RBM33: variants seen among roughly 807,000 people sequenced by gnomAD.
The protein encoded by RBM33 is RNA-binding protein 33.
Under a neutral mutation model 132.6 loss-of-function variants are expected in RBM33, and 28 were observed. That is an observed-to-expected ratio of 0.21 (90% CI 0.16 to 0.29). The LOEUF is 0.29. Ranked by LOEUF, RBM33 falls within the 10% of genes least tolerant of loss-of-function variation. The pLI is 1.00. For missense variants in RBM33, 1,291 were observed against 1,518.5 expected (o/e 0.85, Z 2.49); for synonymous variants, 634 against 593.0 (o/e 1.07, Z -1.01).
intron 14 of RBM33, among the ~76,000 whole-genome samples, chr7:155,746,873 A>G (rs10235856): frequency 0.18 from 26,811 of 152,240 alleles, 2,412 homozygotes; most frequent in East Asian, 0.28. Context: ...AAATGTATAC[A>G]GTAAAAAAAG....
chr7:155,713,057 G>T (rs1246909071), intron 8 of RBM33, among the ~76,000 whole-genome samples: 3 of 152,166 alleles, frequency 2.0e-5, no homozygotes, highest in Admixed American at 6.5e-5. Flanking sequence ...GTAGGAAGAT[G>T]GGGCCGATGG....
chr7:155,666,932 A>C (rs1484224897), intron 2 of RBM33, among the ~76,000 whole-genome samples: 1 of 152,190 alleles, frequency 6.6e-6, no homozygotes, highest in African/African-American at 2.4e-5. Flanking sequence ...ATGAACAAAA[A>C]TGTATTTGGA....
intron 1 of RBM33, among the ~76,000 whole-genome samples, chr7:155,658,540 A>C (rs568019954): frequency 6.6e-6 from 1 of 152,052 alleles, no homozygotes; most frequent in Non-Finnish European, 1.5e-5. Flanking sequence ...AGCTGGGATA[A>C]CAGGCGCTCG....
At chr7:155,730,464 T>G (rs1202528191) in intron 9 of RBM33, among the ~76,000 whole-genome samples, 4 of 152,236 alleles carry the variant, frequency 2.6e-5, no homozygotes, top group Non-Finnish European at 5.9e-5. Flanking sequence ...TTTTGTTATT[T>G]GCTAGGTACT....
In RBM33 at chr7:155,715,956, C is replaced by T. The variant is rs529462917; in HGVS notation, c.1202-2429C>T. ...GACTTTCTGAGGATGAAGAGTGTTC[C>T]GTTATAATTTATTTAAAAACAATTT... On this transcript the variant is annotated intron_variant, in intron 8 of 17. Transcript: ENST00000401878. 1.6e-4 allele frequency among the ~76,000 whole-genome samples: 24 copies of T among 152,190 alleles called. 1 individual carries two copies. Among genetic ancestry groups the T allele is most frequent in the African/African-American group, 4.3e-4 (18 of 41,514 alleles).
chr7:155,724,110 A>G (rs1270312881), intron 9 of RBM33, among the ~76,000 whole-genome samples: 1 of 152,078 alleles, frequency 6.6e-6, no homozygotes, highest in Non-Finnish European at 1.5e-5. Flanking sequence ...ACCTGTTTTT[A>G]GTGATGTGTC....
chr7:155,715,092 T>C (rs1800421446), intron 8 of RBM33, among the ~76,000 whole-genome samples: 1 of 152,158 alleles, frequency 6.6e-6, no homozygotes, highest in African/African-American at 2.4e-5. Context: ...GCATCGCTCA[T>C]CCACACATCC....
chr7:155,650,352 C>T lies in RBM33; in HGVS notation c.43+5433C>T, dbSNP rs962747767. 7.9e-5 allele frequency among the ~76,000 whole-genome samples: 12 copies of T among 152,222 alleles called. 1 individual carries two copies. The highest frequency in any genetic ancestry group is 4.6e-4 in the Admixed American group (7 of 15,284). Reference sequence around the variant, plus strand: ...CTGCCTCTGAGCTGTGAAACGCTTTCTCTGCATCTGTTGTGATTATGTGTT... The same window carrying T: ...CTGCCTCTGAGCTGTGAAACGCTTTTTCTGCATCTGTTGTGATTATGTGTT... On this transcript the variant is annotated intron_variant, in intron 1 of 17. Transcript: ENST00000401878.
chr7:155,676,730 T>C (rs1385650596), intron 3 of RBM33, among the ~76,000 whole-genome samples: 1 of 152,224 alleles, frequency 6.6e-6, no homozygotes, highest in Non-Finnish European at 1.5e-5. Context: ...TCCAGTTCTT[T>C]AGGATGTGTT....
intron 14 of RBM33, among the ~76,000 whole-genome samples, chr7:155,756,115 C>G (rs73167180): frequency 0.065 from 9,841 of 152,198 alleles, 484 homozygotes; most frequent in African/African-American, 0.14. Context: ...AGTTTCAAAG[C>G]AAACATACTT....
chr7:155,677,242 G>A (rs1301772728), intron 3 of RBM33, among the ~76,000 whole-genome samples: 1 of 146,048 alleles, frequency 6.8e-6, no homozygotes, highest in African/African-American at 2.5e-5. Context: ...TTTTTGAGAT[G>A]GAGTTTCGTT....
intron 8 of RBM33, among the ~76,000 whole-genome samples, chr7:155,715,172 G>A (rs1052520489): frequency 6.6e-6 from 1 of 152,120 alleles, no homozygotes; most frequent in Non-Finnish European, 1.5e-5. Flanking sequence ...TTGAATGAAT[G>A]GAGACATGAA....
intron 5 of RBM33, among the ~76,000 whole-genome samples, chr7:155,682,782 G>A (rs1433408959): frequency 6.6e-6 from 1 of 152,162 alleles, no homozygotes; most frequent in East Asian, 1.9e-4. Context: ...TGTTCTTGCA[G>A]AGTTTGTTGT....
intron 5 of RBM33, chr7:155,684,881 A>T (rs1384095791): frequency 1.3e-6 from 2 of 1,513,808 alleles, no homozygotes; most frequent in Non-Finnish European, 1.8e-6. Flanking sequence ...ACGTAAAAAA[A>T]CCACCCCAAA....
chr7:155,738,395 A>G lies in RBM33; in HGVS notation c.1729A>G (p.Asn577Asp). 1 of 1,611,258 alleles carries G rather than the reference A, an allele frequency of 6.2e-7. No individual in the cohort carries two copies. Among genetic ancestry groups the G allele is most frequent in the Non-Finnish European group, 8.5e-7 (1 of 1,177,796 alleles). ...QPFLPTHTQP[N>D]LQGPLHPPLP... is the part of the protein sequence containing the mutation. ...GTTTCTGCCCACACACACACAGCCC[A>G]ACCTGCAGGTAATGCATCCTGAGTG... Residue 577 changes from asparagine (N) to aspartate (D), a missense_variant, in exon 11 of 18, where the codon AAC becomes GAC. Around this residue, in one of 7 missense-constraint regions of RBM33, gnomAD observed 841 missense variants for 912.0 expected, o/e 0.92. Coordinates refer to ENST00000401878, the MANE Select transcript of RBM33 (RefSeq NM_053043.3).
intron 13 of RBM33, among the ~76,000 whole-genome samples, chr7:155,744,094 G>A (rs1801437568): frequency 6.6e-6 from 1 of 152,224 alleles, no homozygotes; most frequent in Non-Finnish European, 1.5e-5. Flanking sequence ...CTCCTCAGCT[G>A]TGCTTTTGTC....
chr7:155,687,021 T>A lies in RBM33; in HGVS notation c.567+6113T>A, dbSNP rs183352949. Among the ~76,000 whole-genome samples the A allele has an allele frequency of 7.0e-3, 1,063 of 152,306 alleles. 17 individuals are homozygous for A. Among genetic ancestry groups the A allele is most frequent in the African/African-American group, 0.024 (999 of 41,560 alleles). ...GTAATGGGATGGCTGGGTCAAATGGTATTTCTGGTTCTAGATCCTTGAGGA... is the reference window on the plus strand; with the variant it reads ...GTAATGGGATGGCTGGGTCAAATGGAATTTCTGGTTCTAGATCCTTGAGGA... On this transcript the variant is annotated intron_variant, in intron 5 of 17. Coordinates refer to ENST00000401878, the MANE Select transcript of RBM33 (RefSeq NM_053043.3).
chr7:155,689,091 C>T (rs1292710851), intron 5 of RBM33, among the ~76,000 whole-genome samples: 8 of 152,146 alleles, frequency 5.3e-5, no homozygotes, highest in Non-Finnish European at 1.2e-4. Flanking sequence ...GGCTGTGAAT[C>T]CATCTGGTCC....
At chr7:155,720,183 T>G (rs2116993490) in intron 9 of RBM33, among the ~76,000 whole-genome samples, 1 of 152,316 alleles carries the variant, frequency 6.6e-6, no homozygotes, top group East Asian at 1.9e-4. Context: ...CAGAAATAGT[T>G]GGGCTAGAAA....
Sources: allele counts gnomAD v4.1 joint callset (sites outside exome capture counted in the v4.1 genomes callset), GRCh38; gene constraint gnomAD v4.1.1; regional missense constraint gnomAD v4.1.1; transcripts MANE v1.5; gene names NCBI Gene and HGNC (gene_info 2026-07-23, HGNC 2026-07-21).